The following DPP10 variants were observed in gnomAD, a reference collection of about 807,000 sequenced individuals.
The protein encoded by DPP10 is dipeptidyl peptidase like 10.
DPP10 carries 33 observed loss-of-function variants against 120.9 expected under a neutral mutation model. That is an observed-to-expected ratio of 0.27 (90% CI 0.21 to 0.37). The LOEUF (loss-of-function observed/expected upper bound fraction) is 0.37. Ranked by LOEUF, DPP10 falls within the 10% of genes least tolerant of loss-of-function variation. The pLI is 1.00. For synonymous variants in DPP10, 337 were observed against 326.1 expected (o/e 1.03, Z -0.36); for missense variants, 816 against 942.8 (o/e 0.87, Z 1.76).
At chr2:114,611,150 C>T (rs1693256327) in intron 1 of DPP10, among the ~76,000 whole-genome samples, 1 of 152,044 alleles carries the variant, frequency 6.6e-6, no homozygotes. Context: ...TGACAAGGTT[C>T]AGGCACCAAG....
chr2:115,391,811 G>A (rs1397086602), intron 3 of DPP10, among the ~76,000 whole-genome samples: 1 of 152,010 alleles, frequency 6.6e-6, no homozygotes, highest in Non-Finnish European at 1.5e-5. Context: ...GAGTTGTGGG[G>A]GTGGATAGAT....
At chr2:114,538,460 C>A (rs938789617) in intron 1 of DPP10, among the ~76,000 whole-genome samples, 1 of 152,130 alleles carries the variant, frequency 6.6e-6, no homozygotes, top group African/African-American at 2.4e-5. Flanking sequence ...CAGTTAACAA[C>A]AAAGCTGAGA....
intron 1 of DPP10, among the ~76,000 whole-genome samples, chr2:114,992,158 C>T (rs1487288550): frequency 1.3e-5 from 2 of 152,186 alleles, no homozygotes; most frequent in Admixed American, 6.5e-5. Context: ...TTATTTTACT[C>T]ATAGGTTGAA....
intron 7 of DPP10, among the ~76,000 whole-genome samples, chr2:115,704,136 G>A (rs572526156): frequency 6.6e-6 from 1 of 151,914 alleles, no homozygotes; most frequent in South Asian, 2.1e-4. Context: ...CCAGCACAGA[G>A]CACATATTTT....
intron 1 of DPP10, among the ~76,000 whole-genome samples, chr2:115,294,510 T>A (rs999141727): frequency 7.9e-5 from 12 of 152,086 alleles, no homozygotes; most frequent in Non-Finnish European, 1.5e-4. Flanking sequence ...TTTCTTTTGT[T>A]TTTTGCTTTT....
intron 3 of DPP10, among the ~76,000 whole-genome samples, chr2:115,372,605 A>G (rs1479087958): frequency 6.6e-6 from 1 of 152,148 alleles, no homozygotes; most frequent in South Asian, 2.1e-4. Flanking sequence ...ACACCCAGGC[A>G]CCCTTACTTG....
intron 1 of DPP10, among the ~76,000 whole-genome samples, chr2:115,284,762 G>A (rs1056846560): frequency 1.3e-5 from 2 of 151,912 alleles, no homozygotes; most frequent in African/African-American, 2.4e-5. Flanking sequence ...GTTGGAATTA[G>A]ACTGATGGTT....
chr2:115,230,986 T>C, intron 1 of DPP10, among the ~76,000 whole-genome samples: 1 of 151,704 alleles, frequency 6.6e-6, no homozygotes, highest in South Asian at 2.1e-4. Flanking sequence ...ACCTATGGAG[T>C]ACAGATAAGA....
chr2:114,935,186 T>A (rs751085404), intron 1 of DPP10, among the ~76,000 whole-genome samples: 65 of 152,178 alleles, frequency 4.3e-4, no homozygotes, highest in Non-Finnish European at 6.5e-4. Context: ...GGTCTTCTAC[T>A]CTAATCTCTC....
intron 1 of DPP10, among the ~76,000 whole-genome samples, chr2:114,580,721 GT>G (rs11384274): frequency 0.018 from 2,204 of 123,068 alleles, 42 homozygotes; most frequent in African/African-American, 0.054. Flanking sequence ...TATCACATCT[GT>G]TTTTTTTTTT....
chr2:114,571,174 G>A (rs574363967), intron 1 of DPP10, among the ~76,000 whole-genome samples: 21 of 152,260 alleles, frequency 1.4e-4, no homozygotes, highest in Non-Finnish European at 2.4e-4. Flanking sequence ...GAGACGGGGC[G>A]TACTGGGAGG....
intron 1 of DPP10, among the ~76,000 whole-genome samples, chr2:114,802,260 C>G (rs1684318410): frequency 6.6e-6 from 1 of 151,914 alleles, no homozygotes; most frequent in African/African-American, 2.4e-5. Context: ...AATGAGAGGG[C>G]AGGTATAAAT....
At chr2:115,773,509 A>C (rs1681725239) in intron 13 of DPP10, among the ~76,000 whole-genome samples, 1 of 152,120 alleles carries the variant, frequency 6.6e-6, no homozygotes, top group African/African-American at 2.4e-5. Context: ...ATTAAAGTTG[A>C]AATATTAGTT....
chr2:114,571,790 C>G (rs990729787), intron 1 of DPP10, among the ~76,000 whole-genome samples: 1 of 149,952 alleles, frequency 6.7e-6, no homozygotes, highest in Non-Finnish European at 1.5e-5. Context: ...TAATATAATA[C>G]AATATTTATA....
At chr2:115,326,066 A>G (rs182667091) in intron 2 of DPP10, among the ~76,000 whole-genome samples, 2 of 152,158 alleles carry the variant, frequency 1.3e-5, no homozygotes, top group Admixed American at 1.3e-4. Flanking sequence ...TCCATCTTAC[A>G]TGTTGAAAGA....
At position 115,006,688 on chromosome 2, in the gene DPP10, C is replaced by A. The variant is rs925728165; in HGVS notation, c.61-302551C>A. Among the ~76,000 whole-genome samples, 170 of 151,484 alleles carry A rather than the reference C, an allele frequency of 1.1e-3. 1 individual carries two copies. The highest frequency in any genetic ancestry group is 6.8e-3 in the Middle Eastern group (2 of 292). ...GCTAACTATCCTAAATATATATGCA[C>A]CCAATACAGGAGCACCCAGATTCAT... On this transcript the variant is annotated intron_variant, in intron 1 of 25. Coordinates refer to ENST00000410059, the MANE Select transcript of DPP10 (RefSeq NM_020868.6).
chr2:114,468,397 C>CAAAAAAAAAAA lies in DPP10; in HGVS notation c.60+25573_60+25583dup, dbSNP rs71297186. On this transcript the variant is annotated intron_variant, in intron 1 of 25. Coordinates refer to ENST00000410059, the MANE Select transcript of DPP10 (RefSeq NM_020868.6). ...GGATGACCTTGTCAGGCTTACAATG[C>CAAAAAAAAAAA]AAAAAAAAAAAAAAAAAAAAAAAAT... Among the ~76,000 whole-genome samples, 291 of 69,482 alleles carry CAAAAAAAAAAA rather than the reference C, an allele frequency of 4.2e-3. 2 individuals carry two copies. The highest frequency in any genetic ancestry group is 4.9e-3 in the African/African-American group (92 of 18,818). The allele number at this position is 69,482 out of a possible 152,430, so 45.6% of individuals were successfully genotyped here.
Position 115,554,001 on chromosome 2 carries a change from TCACACACACACACACACA to T in DPP10, c.441+28053_441+28070del, listed in dbSNP as rs71881888. Among the ~76,000 whole-genome samples, 80 of 135,592 alleles carry T rather than the reference TCACACACACACACACACA, an allele frequency of 5.9e-4. 1 individual carries two copies. The highest frequency in any genetic ancestry group is 2.1e-3 in the African/African-American group (77 of 36,906). 89.0% of individuals were successfully genotyped at this position (135,592 alleles called of 152,430 possible). ...CGACACCTATCTCTCTCTCTCTCTTTCACACACACACACACACACACACACACACACACACACACACCA... is the reference window on the plus strand; with the variant it reads ...CGACACCTATCTCTCTCTCTCTCTTTCACACACACACACACACACACACCA... On this transcript the variant is annotated intron_variant, in intron 5 of 25. Coordinates refer to ENST00000410059, the MANE Select transcript of DPP10 (RefSeq NM_020868.6).
intron 17 of DPP10, among the ~76,000 whole-genome samples, chr2:115,785,083 A>G (rs934198094): frequency 5.3e-5 from 8 of 152,182 alleles, no homozygotes; most frequent in Admixed American, 2.0e-4. Context: ...AGTACTTTCT[A>G]TAGATGACTT....
Sources: allele counts gnomAD v4.1 joint callset (sites outside exome capture counted in the v4.1 genomes callset), GRCh38; gene constraint gnomAD v4.1.1; transcripts MANE v1.5; gene names NCBI Gene and HGNC (gene_info 2026-07-23, HGNC 2026-07-21).